DIPK1B: variants seen among roughly 807,000 people sequenced by gnomAD.
DIPK1B encodes the protein divergent protein kinase domain 1B.
A neutral mutation model predicts 20.7 loss-of-function variants in DIPK1B; 17 were observed. That is an observed-to-expected ratio of 0.82 (90% confidence interval 0.56 to 1.23). The LOEUF is 1.23. Among genes scored for constraint, DIPK1B ranks in the 50% most tolerant of loss-of-function variants. The pLI, the probability that DIPK1B is intolerant of heterozygous loss-of-function variation, is 0.00. For missense variants in DIPK1B, 648 were observed against 601.8 expected, an observed-to-expected ratio of 1.08 and a Z score of -0.80; for synonymous variants, 343 against 276.5, an observed-to-expected ratio of 1.24 and a Z score of -2.39.
At chr9:136,721,517 A>T (rs148083547) in intron 2 of DIPK1B, 3,126 of 204,954 alleles carry the variant, frequency 0.015, 34 homozygotes, top group Non-Finnish European at 0.024. Context: ...GACTAGTGTG[A>T]ATTCTAGTTC....
intron 2 of DIPK1B, among the ~76,000 whole-genome samples, chr9:136,718,897 A>G (rs1846545506): frequency 2.6e-5 from 4 of 152,140 alleles, no homozygotes; most frequent in Admixed American, 2.6e-4. Flanking sequence ...GTCCGGAGCT[A>G]GGAGAGCTTC....
chr9:136,718,834 G>T (rs1196527072), intron 2 of DIPK1B, among the ~76,000 whole-genome samples: 1 of 152,340 alleles, frequency 6.6e-6, no homozygotes, highest in African/African-American at 2.4e-5. Flanking sequence ...CATGTCTGAC[G>T]GGGGCCACAT....
Position 136,723,270 on chromosome 9 carries a change from G to A in DIPK1B, c.792G>A (p.Leu264=), listed in dbSNP as rs1846645342. Residue 264 remains leucine (L), a synonymous_variant, in exon 5 of 5, where the codon CTG becomes CTA. Transcript: ENST00000371692. ...PALQGALQQW[L]GPAWPWRAKI... is the part of the protein sequence containing the mutation. ...TGCAGGGTGCTCTCCAGCAGTGGCT[G>A]GGGCCTGCGTGGCCTTGGCGGGCCA... 6.2e-7 allele frequency: 1 copy of A among 1,612,464 alleles called. No individual in the cohort carries two copies. The highest frequency in any genetic ancestry group is 8.5e-7 in the Non-Finnish European group (1 of 1,179,726).
intron 2 of DIPK1B, among the ~76,000 whole-genome samples, chr9:136,718,104 GAGACCCCCGTGTGCTGGCCT>G (rs1846528058): frequency 6.9e-5 from 2 of 28,922 alleles, no homozygotes; most frequent in Non-Finnish European, 9.3e-5. Flanking sequence ...GGATGGGATA[GAGACCCCCGTGTGCTGGCCT>G]CACTGGTCCA....
rs563779130 is a variant in DIPK1B, at chr9:136,722,420, G to A, written c.483+119G>A. ...CACAGATGGGCCCAAGTGGACCCTG[G>A]GCAGACCTCCCATCCCCCAGCCCCT... On this transcript the variant is annotated intron_variant, in intron 4 of 4. Transcript: ENST00000371692. 33 of 1,161,884 alleles carry A rather than the reference G, an allele frequency of 2.8e-5. No individual in the cohort carries two copies. The East Asian group carries it at 8.3e-4, about 29-fold the overall frequency. The allele number at this position is 1,161,884 out of a possible 1,614,324, so 72.0% of individuals were successfully genotyped here. A position where few individuals can be genotyped will look rare whatever the true frequency, so the allele number is the denominator to read the frequency against.
chr9:136,723,080 T>C lies in DIPK1B; in HGVS notation c.602T>C (p.Leu201Pro). ...LAEAKSVWAL[L>P]QRNEFLLLLS... ...GAAGCCAAGTCCGTGTGGGCCCTGC[T>C]GCAGCGTAACGAGTTCCTGCTGCTG... The change falls in exon 5 of 5, where the codon CTG (leucine) becomes CCG (proline). Residue 201 changes from leucine to proline, a missense_variant. Physicochemically the swap from Leu to Pro is moderately conservative, Grantham distance 98. Transcript: ENST00000371692. The C allele has an allele frequency of 6.2e-7, 1 of 1,613,622 alleles. No homozygotes were observed. Among genetic ancestry groups the C allele is most frequent in the Non-Finnish European group, 8.5e-7 (1 of 1,180,028 alleles).
intron 2 of DIPK1B, among the ~76,000 whole-genome samples, chr9:136,718,453 G>T (rs1335011355): frequency 6.6e-6 from 1 of 151,290 alleles, no homozygotes; most frequent in Non-Finnish European, 1.5e-5. Flanking sequence ...GTGTCCACAT[G>T]AGTGCACACC....
rs530664096 is a variant in DIPK1B at position 136,720,460 on chromosome 9, C to G, written c.199-1461C>G. On this transcript the variant is annotated intron_variant, in intron 2 of 4. Coordinates refer to ENST00000371692, the MANE Select transcript of DIPK1B (RefSeq NM_152421.4). ...CTCCATGGCAACTGAGGCTGTACAT[C>G]CAGGAATTCTCCCCCCCCCAGAGGG... Among the ~76,000 whole-genome samples, 123 of 151,792 alleles carry G rather than the reference C, an allele frequency of 8.1e-4. 2 individuals are homozygous for G. The highest frequency in any genetic ancestry group is 2.9e-3 in the African/African-American group (120 of 41,082).
rs750101556 is a variant in DIPK1B at position 136,723,360 on chromosome 9, CAT to C, written c.883_884del (p.Met295ValfsTer2). Reference protein sequence around the residue: ...LFHGSYGTFYMCETTLANVGY... With the variant: ...LFHGSYGTFYXCETTLANVGY... Reference sequence around the variant, plus strand: ...TCCACGGCTCTTACGGGACTTTCTACATGTGTGAGACCACACTGGCCAACGTG... The same window carrying C: ...TCCACGGCTCTTACGGGACTTTCTACGTGTGAGACCACACTGGCCAACGTG... On this transcript the variant is annotated frameshift_variant, in exon 5 of 5. Transcript: ENST00000371692. LOFTEE classifies it low-confidence loss of function (END_TRUNC). 14 of 1,613,294 alleles carry C rather than the reference CAT, an allele frequency of 8.7e-6. No homozygotes were observed. The highest frequency in any genetic ancestry group is 6.7e-5 in the African/African-American group (5 of 74,934).
chr9:136,722,864 C>A, intron 4 of DIPK1B, 98 bp from the exon 5 acceptor site: 1 of 1,293,860 alleles, frequency 7.7e-7, no homozygotes, highest in Non-Finnish European at 1.0e-6. Flanking sequence ...CTGGTCTGGC[C>A]GGCAGACCAC....
intron 1 of DIPK1B, among the ~76,000 whole-genome samples, chr9:136,715,473 A>T (rs541742434): frequency 9.9e-5 from 15 of 151,418 alleles, no homozygotes; most frequent in Middle Eastern, 3.6e-3. Context: ...GCTCCCAGAC[A>T]TCTGGGTCAG....
At position 136,722,191 on chromosome 9, in the gene DIPK1B, T is replaced by G; in HGVS notation, c.373T>G (p.Ser125Ala). The change falls in exon 4 of 5, where the codon TCC (serine) becomes GCC (alanine). Residue 125 changes from serine (S) to alanine (A), a missense_variant. Transcript: ENST00000371692. ...GTGTGGCATTGAGGAGACCCTCGAC[T>G]CCAAGGCCCGGTCGGATGCGGCCCC... ...IKCGIEETLD[S>A]KARSDAAPRR... 6.2e-7 allele frequency: 1 copy of G among 1,613,874 alleles called. No homozygotes were observed. The highest frequency in any genetic ancestry group is 8.5e-7 in the Non-Finnish European group (1 of 1,179,936).
chr9:136,720,891 A>G (rs7047117), intron 2 of DIPK1B: 129,889 of 152,348 alleles, frequency 0.85, 55,513 homozygotes, highest in East Asian at 0.91. Flanking sequence ...GTGAGGCCGC[A>G]GCCTGTCCTC....
At chr9:136,719,232 G>A (rs1372474947) in intron 2 of DIPK1B, among the ~76,000 whole-genome samples, 1 of 152,132 alleles carries the variant, frequency 6.6e-6, no homozygotes, top group Admixed American at 6.5e-5. Flanking sequence ...CGCAAAGCAG[G>A]AGGAGGTGCC....
At chr9:136,716,361 G>A (rs775588137) in intron 1 of DIPK1B, among the ~76,000 whole-genome samples, 1 of 149,100 alleles carries the variant, frequency 6.7e-6, no homozygotes, top group African/African-American at 2.5e-5. Context: ...TCAACCTCCC[G>A]GGTTCAATCA....
chr9:136,722,206 G>C lies in DIPK1B; in HGVS notation c.388G>C (p.Asp130His), dbSNP rs145054914. The part of the protein sequence containing the change: ...EETLDSKARS[D>H]AAPRRELVLF... ...GACCCTCGACTCCAAGGCCCGGTCG[G>C]ATGCGGCCCCCCGGCGGGAGCTGGT... Residue 130 changes from aspartate to histidine, a missense_variant, in exon 4 of 5, where the codon GAT (aspartate) becomes CAT (histidine). Coordinates refer to ENST00000371692, the MANE Select transcript of DIPK1B (RefSeq NM_152421.4). 2 of 1,613,938 alleles carry C rather than the reference G, an allele frequency of 1.2e-6. No homozygotes were observed. The highest frequency in any genetic ancestry group is 1.7e-6 in the Non-Finnish European group (2 of 1,180,012).
intron 1 of DIPK1B, among the ~76,000 whole-genome samples, chr9:136,715,419 G>T (rs902972650): frequency 3.3e-5 from 5 of 152,208 alleles, no homozygotes; most frequent in Non-Finnish European, 5.9e-5. Context: ...CAAGGCAGAG[G>T]GACTGAGGAT....
intron 1 of DIPK1B, among the ~76,000 whole-genome samples, chr9:136,714,791 G>A (rs1846473824): frequency 6.6e-6 from 1 of 152,220 alleles, no homozygotes; most frequent in South Asian, 2.1e-4. Context: ...ACTGCTACTG[G>A]AGGTCTGGGC....
rs779268803 is a variant in DIPK1B at position 136,723,471 on chromosome 9, C to T, written c.993C>T (p.Gly331=). Residue 331 remains glycine (G), a synonymous_variant, in exon 5 of 5, where the codon GGC becomes GGT. Transcript: ENST00000371692. The part of the protein sequence containing the change: ...PEATVRRFLQ[G]RRCEHSTDCT... ...CCACCGTGCGCCGCTTCCTGCAGGG[C>T]CGCCGCTGCGAGCACAGCACCGACT... 1 of 1,610,560 alleles carries T rather than the reference C, an allele frequency of 6.2e-7. No individual in the cohort carries two copies. Among genetic ancestry groups the T allele is most frequent in the Non-Finnish European group, 8.5e-7 (1 of 1,178,780 alleles).
Sources: gnomAD v4.1 joint callset for allele counts (sites outside exome capture counted in the v4.1 genomes callset) on GRCh38, gnomAD v4.1.1 for gene constraint, MANE v1.5 for transcripts, NCBI Gene and HGNC (gene_info 2026-07-23, HGNC 2026-07-21) for gene names.